Variants in LAMA2 observed in about 807,000 individuals in gnomAD.
LAMA2 encodes laminin subunit alpha-2.
A neutral mutation model predicts 364.8 loss-of-function variants in LAMA2; 269 were observed. The ratio of observed to expected loss-of-function variants is 0.74; its 90% CI spans 0.67 to 0.82. The LOEUF is 0.82. Among genes scored for constraint, LAMA2 ranks in the 40% least tolerant of loss-of-function variants. The pLI is 0.00. For missense variants in LAMA2, 3,807 were observed against 3,873.2 expected (o/e 0.98, Z 0.45); for synonymous variants, 1,379 against 1,370.6 (o/e 1.01, Z -0.14).
intron 40 of LAMA2, among the ~76,000 whole-genome samples, chr6:129,410,853 C>A (rs1212246730): frequency 1.3e-5 from 2 of 152,140 alleles, no homozygotes; most frequent in African/African-American, 4.8e-5. Flanking sequence ...CTGTGAGCTG[C>A]AGATCCATGA....
intron 1 of LAMA2, among the ~76,000 whole-genome samples, chr6:129,031,165 A>C (rs1786191756): frequency 6.6e-6 from 1 of 152,196 alleles, no homozygotes; most frequent in Non-Finnish European, 1.5e-5. Flanking sequence ...TTTGCTATAA[A>C]CACTGTCAAA....
At chr6:129,252,660 G>A (rs891223480) in intron 14 of LAMA2, among the ~76,000 whole-genome samples, 1 of 152,142 alleles carries the variant, frequency 6.6e-6, no homozygotes, top group Non-Finnish European at 1.5e-5. Flanking sequence ...TTGGAAAGTG[G>A]TTTTTAAAAT....
At chr6:129,298,151 C>CTCAGTAAAAATCAGCA (rs1554265349) in intron 21 of LAMA2, among the ~76,000 whole-genome samples, 11 of 152,096 alleles carry the variant, frequency 7.2e-5, no homozygotes, top group Admixed American at 2.0e-4. Flanking sequence ...AACACTGCTA[C>CTCAGTAAAAATCAGCA]GGCTTGAAAG....
chr6:128,968,997 A>G (rs753963740), intron 1 of LAMA2, among the ~76,000 whole-genome samples: 7 of 152,212 alleles, frequency 4.6e-5, no homozygotes, highest in Non-Finnish European at 1.0e-4. Flanking sequence ...ATGCTTCTAC[A>G]GAAGACTTTG....
intron 12 of LAMA2, among the ~76,000 whole-genome samples, chr6:129,242,282 A>G (rs1042440340): frequency 1.3e-5 from 2 of 152,176 alleles, no homozygotes; most frequent in African/African-American, 4.8e-5. Flanking sequence ...AAGGTTAACT[A>G]CAATTCTCAT....
chr6:128,934,418 C>T (rs1297930459), intron 1 of LAMA2, among the ~76,000 whole-genome samples: 2 of 151,896 alleles, frequency 1.3e-5, no homozygotes, highest in Non-Finnish European at 2.9e-5. Context: ...TATTTTGGGT[C>T]ATTTGTGATT....
intron 1 of LAMA2, among the ~76,000 whole-genome samples, chr6:128,977,993 G>T (rs544669695): frequency 1.7e-4 from 26 of 152,208 alleles, no homozygotes; most frequent in East Asian, 7.7e-4. Flanking sequence ...CTTTTAAAGA[G>T]AAATTTTTTT....
intron 1 of LAMA2, among the ~76,000 whole-genome samples, chr6:129,039,729 G>C (rs1786945361): frequency 6.6e-6 from 1 of 152,160 alleles, no homozygotes; most frequent in South Asian, 2.1e-4. Flanking sequence ...TCAGCCATTA[G>C]ATTCTTATAA....
intron 9 of LAMA2, among the ~76,000 whole-genome samples, chr6:129,168,428 T>A (rs1480933475): frequency 6.6e-6 from 1 of 152,220 alleles, no homozygotes; most frequent in Non-Finnish European, 1.5e-5. Flanking sequence ...GGGAATCCTT[T>A]CCCCATTGCT....
chr6:129,165,096 G>A (rs1174075271), intron 8 of LAMA2, among the ~76,000 whole-genome samples: 2 of 151,730 alleles, frequency 1.3e-5, no homozygotes, highest in Non-Finnish European at 2.9e-5. Flanking sequence ...ATTTATAGTA[G>A]CAAACAAGTT....
intron 40 of LAMA2, among the ~76,000 whole-genome samples, chr6:129,406,276 G>A (rs1397578327): frequency 6.6e-6 from 1 of 152,190 alleles, no homozygotes; most frequent in Non-Finnish European, 1.5e-5. Flanking sequence ...TCCTTTATAA[G>A]CAGGAGAAAG....
chr6:129,158,252 A>G, intron 8 of LAMA2: 1 of 1,614,090 alleles, frequency 6.2e-7, no homozygotes, highest in Non-Finnish European at 8.5e-7. Flanking sequence ...CCGCTATGAA[A>G]CCAAGTATGT....
chr6:129,440,828 A>G lies in LAMA2; in HGVS notation c.6098A>G (p.Lys2033Arg). 1.2e-6 allele frequency: 2 copies of G among 1,613,864 alleles called. No individual in the cohort carries two copies. The highest frequency in any genetic ancestry group is 2.2e-5 in the South Asian group (2 of 91,086). ...LSAIPNDTAA[K>R]LQAVKDKARQ... ...CATCTGCTGACAGATACAGCTGCTAAACTGCAAGCTGTTAAGGACAAAGCC... is the reference window on the plus strand; with the variant it reads ...CATCTGCTGACAGATACAGCTGCTAGACTGCAAGCTGTTAAGGACAAAGCC... The change falls in exon 43 of 65, where the codon AAA becomes AGA. Residue 2033 changes from lysine (K) to arginine (R), a missense_variant. Physicochemically the swap from Lys to Arg is conservative, Grantham distance 26. Coordinates refer to ENST00000421865, the MANE Select transcript of LAMA2 (RefSeq NM_000426.4).
At chr6:129,407,288 A>G (rs561879947) in intron 40 of LAMA2, among the ~76,000 whole-genome samples, 16 of 152,278 alleles carry the variant, frequency 1.1e-4, no homozygotes, top group African/African-American at 3.8e-4. Context: ...CCCCTTGTCA[A>G]CTTGAACCCA....
intron 29 of LAMA2, among the ~76,000 whole-genome samples, chr6:129,330,239 A>C (rs932447597): frequency 6.6e-6 from 1 of 152,068 alleles, no homozygotes; most frequent in African/African-American, 2.4e-5. Context: ...ACATGCTTGC[A>C]TCATCACAAA....
chr6:129,158,751 A>C, intron 8 of LAMA2: 2 of 1,614,206 alleles, frequency 1.2e-6, no homozygotes, highest in Non-Finnish European at 1.7e-6. Flanking sequence ...GTCCGACAAC[A>C]TTCTATTGTC....
chr6:129,176,192 G>A (rs907618380), intron 9 of LAMA2, among the ~76,000 whole-genome samples: 2 of 151,750 alleles, frequency 1.3e-5, no homozygotes, highest in Non-Finnish European at 2.9e-5. Flanking sequence ...TAACCCAAGA[G>A]TTATTAAAGA....
chr6:128,938,638 A>G (rs1779976744), intron 1 of LAMA2, among the ~76,000 whole-genome samples: 1 of 152,160 alleles, frequency 6.6e-6, no homozygotes, highest in South Asian at 2.1e-4. Context: ...GTTAAAATGT[A>G]CTTCTCAGAG....
chr6:129,230,655 G>A (rs1242743370), intron 12 of LAMA2, among the ~76,000 whole-genome samples: 1 of 152,088 alleles, frequency 6.6e-6, no homozygotes, highest in African/African-American at 2.4e-5. Flanking sequence ...CAGCATTAGG[G>A]ATCTATGTGA....
Sources: gnomAD v4.1 joint callset for allele counts (sites outside exome capture counted in the v4.1 genomes callset) on GRCh38, gnomAD v4.1.1 for gene constraint, MANE v1.5 for transcripts, NCBI Gene and HGNC (gene_info 2026-07-23, HGNC 2026-07-21) for gene names.